FAM222B: variants seen among roughly 807,000 people sequenced by gnomAD.
The protein encoded by FAM222B is family with sequence similarity 222 member B, also known as protein FAM222B.
FAM222B carries 12 observed loss-of-function variants against 38.0 expected under a neutral mutation model. The observed-to-expected ratio is 0.32, with a 90% CI of 0.20 to 0.51. The LOEUF is 0.51. Ranked by LOEUF, FAM222B falls within the 20% of genes least tolerant of loss-of-function variation. The pLI is 0.97. For synonymous variants in FAM222B, 329 were observed against 317.2 expected, an observed-to-expected ratio of 1.04 and a Z score of -0.40; for missense variants, 716 against 754.2, an observed-to-expected ratio of 0.95 and a Z score of 0.59.
intron 1 of FAM222B, among the ~76,000 whole-genome samples, chr17:28,836,505 CTCACGTCTCCA>C (rs1342119746): frequency 1.3e-5 from 2 of 152,026 alleles, no homozygotes; most frequent in Non-Finnish European, 2.9e-5. Context: ...TTCGGCAAGA[CTCACGTCTCCA>C]ACAACCGAGC....
At chr17:28,830,796 G>A (rs1428549456) in intron 1 of FAM222B, among the ~76,000 whole-genome samples, 1 of 149,854 alleles carries the variant, frequency 6.7e-6, no homozygotes. Flanking sequence ...GACCAGCCTG[G>A]GCAACATGGC....
At position 28,848,473 on chromosome 17, in the gene FAM222B, G is replaced by T. The variant is rs1011116921; in HGVS notation, c.-41+6477C>A. ...ATTCTGCCCTTGGTAAGAAATTCAA[G>T]TAGGGGCCCGGGCACGGTGGCTCAC... On this transcript the variant is annotated intron_variant, in intron 1 of 2. Coordinates refer to the FAM222B transcript ENST00000577513. Among the ~76,000 whole-genome samples, 11 of 151,988 alleles carry T rather than the reference G, an allele frequency of 7.2e-5. 1 individual carries two copies. The highest frequency in any genetic ancestry group is 7.2e-4 in the Admixed American group (11 of 15,206).
intron 1 of FAM222B, chr17:28,854,894 A>C: frequency 1.1e-6 from 1 of 881,362 alleles, no homozygotes; most frequent in Non-Finnish European, 1.7e-6. Flanking sequence ...CTCCAGAGCA[A>C]TTCCTCCTCC....
intron 1 of FAM222B, among the ~76,000 whole-genome samples, chr17:28,788,904 C>T (rs2036536880): frequency 6.6e-6 from 1 of 151,350 alleles, no homozygotes; most frequent in Non-Finnish European, 1.5e-5. Flanking sequence ...ACCACACCCA[C>T]CTAATTTTTG....
intron 1 of FAM222B, among the ~76,000 whole-genome samples, chr17:28,794,646 C>T (rs1445500100): frequency 6.6e-6 from 1 of 152,066 alleles, no homozygotes; most frequent in African/African-American, 2.4e-5. Flanking sequence ...TTCAGGGTAA[C>T]CTTCAAAAAA....
chr17:28,805,662 G>A (rs1015632626), intron 1 of FAM222B, among the ~76,000 whole-genome samples: 4 of 150,964 alleles, frequency 2.6e-5, no homozygotes, highest in Non-Finnish European at 5.9e-5. Flanking sequence ...AAAAAAAAAA[G>A]AAAGAAAGAG....
chr17:28,775,649 G>A (rs985692643), intron 1 of FAM222B, among the ~76,000 whole-genome samples: 1 of 151,878 alleles, frequency 6.6e-6, no homozygotes. Flanking sequence ...GGGAGGCTGA[G>A]GTGCGTGGAT....
chr17:28,828,928 G>A (rs1312360632), intron 1 of FAM222B, among the ~76,000 whole-genome samples: 3 of 151,092 alleles, frequency 2.0e-5, no homozygotes, highest in Non-Finnish European at 2.9e-5. Flanking sequence ...TAATTGAGAC[G>A]GAGTCTCGCT....
intron 1 of FAM222B, among the ~76,000 whole-genome samples, chr17:28,822,855 A>ATG (rs1383202147): frequency 2.7e-4 from 31 of 113,398 alleles, no homozygotes; most frequent in African/African-American, 1.1e-3. Flanking sequence ...ATATATATAT[A>ATG]TATATATATA....
intron 1 of FAM222B, among the ~76,000 whole-genome samples, chr17:28,820,308 AC>A (rs1378828552): frequency 6.6e-6 from 1 of 152,242 alleles, no homozygotes; most frequent in African/African-American, 2.4e-5. Context: ...TAAGTACATT[AC>A]AGGTAATGAT....
intron 2 of FAM222B, among the ~76,000 whole-genome samples, chr17:28,764,136 G>A (rs1267279329): frequency 6.6e-6 from 1 of 152,120 alleles, no homozygotes; most frequent in African/African-American, 2.4e-5. Context: ...AAAATTTCCA[G>A]TGGCGCATGC....
chr17:28,824,984 C>T (rs1001967357), intron 1 of FAM222B, among the ~76,000 whole-genome samples: 14 of 152,028 alleles, frequency 9.2e-5, no homozygotes, highest in Non-Finnish European at 2.9e-5. Flanking sequence ...TGGCTGGTCT[C>T]GAACTCCTGA....
intron 1 of FAM222B, among the ~76,000 whole-genome samples, chr17:28,822,832 A>AATAT (rs1254235399): frequency 0.016 from 678 of 42,738 alleles, 19 homozygotes; most frequent in Middle Eastern, 0.05. Context: ...AAAAAAAAAA[A>AATAT]ATATATATAT....
chr17:28,824,446 A>C (rs1249615314), intron 1 of FAM222B, among the ~76,000 whole-genome samples: 1 of 152,042 alleles, frequency 6.6e-6, no homozygotes, highest in African/African-American at 2.4e-5. Context: ...TCAGACCCCC[A>C]AAGTGCTGGG....
intron 1 of FAM222B, among the ~76,000 whole-genome samples, chr17:28,840,085 C>T (rs1212775867): frequency 6.6e-6 from 1 of 152,066 alleles, no homozygotes; most frequent in Non-Finnish European, 1.5e-5. Context: ...ACTTTAGAAA[C>T]CATTTTCTCA....
chr17:28,765,341 C>T (rs916447462), intron 2 of FAM222B, among the ~76,000 whole-genome samples: 1 of 152,194 alleles, frequency 6.6e-6, no homozygotes, highest in Admixed American at 6.5e-5. Context: ...GGAACACAGA[C>T]ACCCTCATTT....
At position 28,810,021 on chromosome 17, in the gene FAM222B, G is replaced by A. The variant is rs960722418; in HGVS notation, c.-41+32661C>T. On this transcript the variant is annotated intron_variant, in intron 1 of 2. Coordinates refer to ENST00000581407, the MANE Select transcript of FAM222B (RefSeq NM_001077498.3). ...TTTTTGTTTTTGTTTTTTTGAGACA[G>A]GGTCTCACTGTGTCACCCAGGTTGG... Among the ~76,000 whole-genome samples the A allele has an allele frequency of 2.0e-5, 3 of 151,780 alleles. No homozygotes were observed. The East Asian group carries it at 5.8e-4, about 29-fold the overall frequency.
chr17:28,816,717 G>T (rs780615898), intron 1 of FAM222B, among the ~76,000 whole-genome samples: 1 of 152,042 alleles, frequency 6.6e-6, no homozygotes, highest in African/African-American at 2.4e-5. Flanking sequence ...GAACTGCTAC[G>T]TCATATTTAC....
At chr17:28,826,095 A>G (rs569127315) in intron 1 of FAM222B, among the ~76,000 whole-genome samples, 2 of 147,678 alleles carry the variant, frequency 1.4e-5, no homozygotes, top group South Asian at 2.1e-4. Context: ...TTTGAGACTG[A>G]GTCTTGCTCT....
Sources: allele counts gnomAD v4.1 joint callset (sites outside exome capture counted in the v4.1 genomes callset), GRCh38; gene constraint gnomAD v4.1.1; transcripts MANE v1.5; gene names NCBI Gene and HGNC (gene_info 2026-07-23, HGNC 2026-07-21).